GBP3: variants seen among roughly 807,000 people sequenced by gnomAD.
The protein encoded by GBP3 is guanylate binding protein 3, also known as guanylate-binding protein 3.
Under a neutral mutation model 62.4 loss-of-function variants are expected in GBP3, and 55 were observed. The observed-to-expected ratio is 0.88, with a 90% CI of 0.71 to 1.10. The LOEUF (loss-of-function observed/expected upper bound fraction) is 1.10. GBP3 is among the 50% of genes least tolerant of loss of function. GBP3 has a pLI of 0.00. For synonymous variants in GBP3, 208 were observed against 259.2 expected (o/e 0.80, Z 1.90); for missense variants, 605 against 690.6 (o/e 0.88, Z 1.39).
In GBP3 at chr1:89,011,117, C is replaced by A; in HGVS notation, c.1150-1G>T. The A allele has an allele frequency of 6.8e-7, 1 of 1,461,548 alleles. No individual in the cohort carries two copies. Among genetic ancestry groups the A allele is most frequent in the Non-Finnish European group, 9.5e-7 (1 of 1,054,926 alleles). 90.5% of individuals were successfully genotyped at this position (1,461,548 alleles called of 1,614,324 possible). ...CATCCCGCTTTTTGTCTAGCTGGGC[C>A]TTTAATGTAAAAATAGGAAGTAAAA... On this transcript the variant is annotated splice_acceptor_variant, in intron 7 of 10. Coordinates refer to ENST00000370481, the MANE Select transcript of GBP3 (RefSeq NM_018284.3). LOFTEE classifies it high-confidence loss of function.
rs58886103 is a variant in GBP3, at chr1:89,015,744, TAAAAAAAA to T, written c.191-338_191-331del. On this transcript the variant is annotated intron_variant, in intron 2 of 10. Coordinates refer to ENST00000370481, the MANE Select transcript of GBP3 (RefSeq NM_018284.3). ...GGGCAACAGAGCGAGACTCTTGTCT[TAAAAAAAA>T]AAAAAAAAAAAAAAGAGGGATAGAG... Among the ~76,000 whole-genome samples the T allele has an allele frequency of 1.7e-3, 145 of 86,032 alleles. 1 individual carries two copies. In the Middle Eastern group the frequency reaches 0.019, roughly 11 times the overall value. 56.4% of individuals were successfully genotyped at this position (86,032 alleles called of 152,430 possible).
In GBP3 at chr1:89,011,685, A is replaced by G. The variant is rs773311533; in HGVS notation, c.1149+62T>C. ...TTGTCTCAAAATAAATACCAATTTC[A>G]TTTCTTAGTAGTACTTTGCCTTCCA... On this transcript the variant is annotated intron_variant, in intron 7 of 10. Coordinates refer to ENST00000370481, the MANE Select transcript of GBP3 (RefSeq NM_018284.3). The G allele has an allele frequency of 1.7e-4, 248 of 1,422,644 alleles. 59 individuals carry two copies. The highest frequency in any genetic ancestry group is 2.4e-4 in the Non-Finnish European group (243 of 1,027,478). 88.1% of individuals were successfully genotyped at this position (1,422,644 alleles called of 1,614,324 possible). A position where few individuals can be genotyped will look rare whatever the true frequency, so the allele number is the denominator to read the frequency against.
At position 89,020,726 on chromosome 1, in the gene GBP3, A is replaced by G; in HGVS notation, c.-5T>C. On this transcript the variant is annotated 5_prime_UTR_variant, in exon 2 of 11. Coordinates refer to ENST00000370481, the MANE Select transcript of GBP3 (RefSeq NM_018284.3). The stretch of plus-strand genomic sequence containing the variant: ...CATGTGGATCTCTGGAGCCATGTCC[A>G]GGGCATTGTTCTCTTGTCTGCAAGG... The G allele has an allele frequency of 6.2e-7, 1 of 1,613,270 alleles. No individual in the cohort carries two copies. The highest frequency in any genetic ancestry group is 1.1e-5 in the South Asian group (1 of 91,046).
chr1:89,022,621 T>C (rs554144821), intron 1 of GBP3, 63 bp downstream of exon 1: 1 of 152,360 alleles, frequency 6.6e-6, no homozygotes, highest in South Asian at 2.1e-4. Context: ...CACAACGTTA[T>C]AGGCTCCACG....
rs1678279504 is a variant in GBP3, at chr1:89,007,481, C to A, written c.*243G>T. ...TCCACTGGTCGTCTGGAAGAATAAA[C>A]TTCTGAGTGGTGGCAACTCATGATC... is the stretch of plus-strand genomic sequence containing the variant. On this transcript the variant is annotated 3_prime_UTR_variant, in exon 11 of 11. Transcript: ENST00000370481. 1 of 365,458 alleles carries A rather than the reference C, an allele frequency of 2.7e-6. No homozygotes were observed. Among genetic ancestry groups the A allele is most frequent in the Non-Finnish European group, 4.9e-6 (1 of 202,618 alleles). 22.6% of individuals were successfully genotyped at this position (365,458 alleles called of 1,614,324 possible).
At position 89,015,442 on chromosome 1, in the gene GBP3, G is replaced by T; in HGVS notation, c.191-28C>A. ...GTAAAGGAGAGATGGGATAAGAAGGGCTGGAGGTTTAATAGCAGGTACTTC... is the reference window on the plus strand; with the variant it reads ...GTAAAGGAGAGATGGGATAAGAAGGTCTGGAGGTTTAATAGCAGGTACTTC... On this transcript the variant is annotated intron_variant, in intron 2 of 10. Transcript: ENST00000370481. 1.9e-6 allele frequency: 3 copies of T among 1,600,924 alleles called. No homozygotes were observed. The South Asian group carries it at 3.4e-5, about 18-fold the overall frequency.
chr1:89,007,714 G>A lies in GBP3; in HGVS notation c.*10C>T, dbSNP rs1334716857. On this transcript the variant is annotated 3_prime_UTR_variant, in exon 11 of 11. Coordinates refer to ENST00000370481, the MANE Select transcript of GBP3 (RefSeq NM_018284.3). Reference sequence around the variant, plus strand: ...TGCCTTGGGTTAGGATGACAGAAAAGCTCTGTTGTTTAGATCTTTAGCTTA... The same window carrying A: ...TGCCTTGGGTTAGGATGACAGAAAAACTCTGTTGTTTAGATCTTTAGCTTA... 6.2e-7 allele frequency: 1 copy of A among 1,605,656 alleles called. No individual in the cohort carries two copies. The highest frequency in any genetic ancestry group is 2.2e-5 in the East Asian group (1 of 44,718).
intron 2 of GBP3, among the ~76,000 whole-genome samples, chr1:89,017,543 T>A (rs192072980): frequency 9.7e-4 from 148 of 152,264 alleles, no homozygotes; most frequent in African/African-American, 3.5e-3. Context: ...ACACATGGAA[T>A]GGAAGAAAAC....
intron 1 of GBP3, among the ~76,000 whole-genome samples, chr1:89,021,510 G>GCACGCACACACACACA (rs1553178199): frequency 4.6e-4 from 60 of 131,736 alleles, no homozygotes; most frequent in African/African-American, 1.7e-3. Context: ...GCGCGCGCGC[G>GCACGCACACACACACA]CACACACACA....
At position 89,013,425 on chromosome 1, in the gene GBP3, T is replaced by C. The variant is rs762545175; in HGVS notation, c.628A>G (p.Thr210Ala). Residue 210 changes from threonine to alanine, a missense_variant and splice_region_variant, in exon 6 of 11, where the codon ACC (threonine) becomes GCC (alanine). Physicochemically the swap from Thr to Ala is moderately conservative, Grantham distance 58 (BLOSUM62 0). Transcript: ENST00000370481. The part of the protein sequence containing the change: ...LEYSLKLTQG[T>A]SQKDKNFNLP... ...TTAAAATTTTTATCTTTTTGACTGGTACCTAGAGAAACATAATAAAGAAAT... is the reference window on the plus strand; with the variant it reads ...TTAAAATTTTTATCTTTTTGACTGGCACCTAGAGAAACATAATAAAGAAAT... 5.9e-5 allele frequency: 94 copies of C among 1,603,116 alleles called. No homozygotes were observed. The highest frequency in any genetic ancestry group is 7.7e-5 in the Non-Finnish European group (90 of 1,176,334).
intron 10 of GBP3, among the ~76,000 whole-genome samples, chr1:89,008,077 A>G (rs1038773793): frequency 3.3e-5 from 5 of 151,976 alleles, no homozygotes; most frequent in African/African-American, 1.2e-4. Context: ...TGCTCTATTG[A>G]TGAAGGTCTT....
chr1:89,015,293 T>C lies in GBP3; in HGVS notation c.312A>G (p.Val104=), dbSNP rs141715706. The change falls in exon 3 of 11, where the codon GTA becomes GTG. Residue 104 remains valine, a synonymous_variant. Coordinates refer to ENST00000370481, the MANE Select transcript of GBP3 (RefSeq NM_018284.3). ...TTGAATCTTTGACCCTTACCTTCTT[T>C]ACATCTCCCAGGCCCTCAGTGTCAA... ...VLLDTEGLGD[V]KKGDNQNDSW... is the part of the protein sequence containing the mutation. 2.1e-5 allele frequency: 33 copies of C among 1,604,980 alleles called. No individual in the cohort carries two copies. In the African/African-American group the frequency reaches 3.4e-4, roughly 16 times the overall value.
rs12091541 is a variant in GBP3, at chr1:89,014,072, G to A, written c.625+11C>T. The A allele has an allele frequency of 0.015, 23,992 of 1,611,346 alleles. 2,981 individuals carry two copies. The African/African-American group carries it at 0.28, about 18-fold the overall frequency. On this transcript the variant is annotated intron_variant, in intron 5 of 10. Coordinates refer to ENST00000370481, the MANE Select transcript of GBP3 (RefSeq NM_018284.3). ...TGTCGTCCTCATTTATCAATGGTAC[G>A]TCTCTGTTACCTTGCGTTAGCTTCA... is the stretch of plus-strand genomic sequence containing the variant.
chr1:89,021,558 A>C (rs1679219638), intron 1 of GBP3, among the ~76,000 whole-genome samples: 1 of 136,392 alleles, frequency 7.3e-6, no homozygotes, highest in South Asian at 2.4e-4. Flanking sequence ...CAAAAAAACC[A>C]AACCAAACAA....
At chr1:89,022,048 CTCTCA>C (rs1163491020) in intron 1 of GBP3, among the ~76,000 whole-genome samples, 4 of 73,750 alleles carry the variant, frequency 5.4e-5, no homozygotes, top group East Asian at 2.8e-4. Context: ...CCCTCTCTCT[CTCTCA>C]AAAAAAAAAA....
intron 2 of GBP3, among the ~76,000 whole-genome samples, chr1:89,016,697 C>T (rs757086865): frequency 6.6e-6 from 1 of 152,114 alleles, no homozygotes; most frequent in Non-Finnish European, 1.5e-5. Context: ...ACCTCAGCCT[C>T]CCGAGTAGCT....
rs376116444 is a variant in GBP3 at position 89,017,414 on chromosome 1, C to T, written c.191-2000G>A. Among the ~76,000 whole-genome samples the T allele has an allele frequency of 1.1e-4, 16 of 150,674 alleles. 2 individuals are homozygous for T. The highest frequency in any genetic ancestry group is 1.3e-4 in the Admixed American group (2 of 15,140). ...AACCATTAGAGCTAAAACTATAAAA[C>T]TCATGGGAGAAAACAAAGGGGAAAA... On this transcript the variant is annotated intron_variant, in intron 2 of 10. Coordinates refer to ENST00000370481, the MANE Select transcript of GBP3 (RefSeq NM_018284.3).
rs1678393446 is a variant in GBP3, at chr1:89,008,988, A to G, written c.1618T>C (p.Leu540=). The stretch of plus-strand genomic sequence containing the variant: ...AGGGTCTTCTCTTGCTCTTCCAGCA[A>G]CTGGGCCCTCTCCCTCTCCATCTTC... The part of the protein sequence containing the change: ...TEKMERERAQ[L]LEEQEKTLTS... Residue 540 remains leucine, a synonymous_variant, in exon 10 of 11, where the codon TTG becomes CTG. Coordinates refer to ENST00000370481, the MANE Select transcript of GBP3 (RefSeq NM_018284.3). 1.9e-6 allele frequency: 3 copies of G among 1,613,990 alleles called. No individual in the cohort carries two copies. The highest frequency in any genetic ancestry group is 1.3e-5 in the African/African-American group (1 of 74,920).
At chr1:89,010,853 G>T in intron 8 of GBP3, 51 bp downstream of exon 8, 1 of 1,460,392 alleles carries the variant, frequency 6.8e-7, no homozygotes. Flanking sequence ...TTTGGTGTTC[G>T]TAGGAGGTAG....
Sources: gnomAD v4.1 joint callset for allele counts (sites outside exome capture counted in the v4.1 genomes callset) on GRCh38, gnomAD v4.1.1 for gene constraint, MANE v1.5 for transcripts, NCBI Gene and HGNC (gene_info 2026-07-23, HGNC 2026-07-21) for gene names.